Variants in TNN observed in about 807,000 individuals in gnomAD.
TNN encodes the protein tenascin-N.
In TNN, 122 loss-of-function variants were observed where a neutral mutation model predicts 134.4. The ratio of observed to expected loss-of-function variants is 0.91; its 90% CI spans 0.78 to 1.06. The LOEUF is 1.06. TNN is among the 50% of genes least tolerant of loss of function. TNN has a pLI of 0.00. For missense variants in TNN, 1,739 were observed against 1,699.4 expected, an observed-to-expected ratio of 1.02 and a Z score of -0.41; for synonymous variants, 710 against 670.3, an observed-to-expected ratio of 1.06 and a Z score of -0.91.
chr1:175,072,569 T>C (rs1673938559), intron 1 of TNN, among the ~76,000 whole-genome samples: 1 of 152,224 alleles, frequency 6.6e-6, no homozygotes, highest in Admixed American at 6.5e-5. Context: ...AAAGAGTCGA[T>C]GAAGTCATCC....
rs200810963 is a variant in TNN at position 175,084,530 on chromosome 1, C to CT, written c.1234+601dup. ...TTGAAGTCTGTACAATTCCAGGGCT[C>CT]TTTTTTAAGAAAAGTAATACGCAAT... On this transcript the variant is annotated intron_variant, in intron 5 of 18. Transcript: ENST00000239462. 2.1e-4 allele frequency among the ~76,000 whole-genome samples: 32 copies of CT among 152,262 alleles called. 1 individual carries two copies. In the East Asian group the frequency reaches 6.0e-3, roughly 28 times the overall value.
chr1:175,102,475 A>G (rs1031795701), intron 9 of TNN, among the ~76,000 whole-genome samples: 5 of 145,682 alleles, frequency 3.4e-5, no homozygotes, highest in African/African-American at 1.2e-4. Context: ...TCGGCGAGAA[A>G]TCGAGCGCAG....
intron 7 of TNN, among the ~76,000 whole-genome samples, chr1:175,094,543 T>C (rs555864691): frequency 6.6e-6 from 1 of 152,356 alleles, no homozygotes; most frequent in South Asian, 2.1e-4. Context: ...ATTTTTTAGA[T>C]GTGAAAACTC....
At chr1:175,119,313 G>A (rs970288422) in intron 11 of TNN, among the ~76,000 whole-genome samples, 2 of 152,206 alleles carry the variant, frequency 1.3e-5, no homozygotes, top group South Asian at 4.1e-4. Flanking sequence ...CTTGGCATTT[G>A]TAAACTGTCA....
intron 15 of TNN, among the ~76,000 whole-genome samples, chr1:175,129,445 A>G (rs1047186927): frequency 1.7e-4 from 26 of 151,730 alleles, no homozygotes; most frequent in African/African-American, 6.3e-4. Flanking sequence ...AATCAACTGT[A>G]AGGATAGAGC....
chr1:175,102,684 C>T (rs1193309082), intron 9 of TNN, among the ~76,000 whole-genome samples: 1 of 146,066 alleles, frequency 6.8e-6, no homozygotes, highest in East Asian at 2.3e-4. Context: ...GCGCCTCTCC[C>T]TCCACACCTC....
In TNN at chr1:175,104,683, T is replaced by A. The variant is rs979250728; in HGVS notation, c.2119+6088T>A. Among the ~76,000 whole-genome samples, 6 of 145,570 alleles carry A rather than the reference T, an allele frequency of 4.1e-5. 1 individual carries two copies. The highest frequency in any genetic ancestry group is 7.6e-5 in the Non-Finnish European group (5 of 65,660). Reference sequence around the variant, plus strand: ...ACACCAAGGTTGCCAGGTTTAATAATGTCTCTAGATTTTGTTCAGGGCTCA... The same window carrying A: ...ACACCAAGGTTGCCAGGTTTAATAAAGTCTCTAGATTTTGTTCAGGGCTCA... On this transcript the variant is annotated intron_variant, in intron 9 of 18. Coordinates refer to ENST00000239462, the MANE Select transcript of TNN (RefSeq NM_022093.2).
chr1:175,133,869 G>T (rs4651319), intron 15 of TNN, among the ~76,000 whole-genome samples: 134,873 of 152,242 alleles, frequency 0.89, 59,981 homozygotes, highest in African/African-American at 0.94. Context: ...GCTGTTTCCA[G>T]CTTGTAGTTC....
intron 15 of TNN, among the ~76,000 whole-genome samples, 179 bp downstream of exon 15, chr1:175,128,925 C>T (rs1285936888): frequency 6.6e-6 from 1 of 152,072 alleles, no homozygotes; most frequent in East Asian, 1.9e-4. Context: ...GGAAAGGGGT[C>T]CCCATCCAGA....
chr1:175,070,371 G>A (rs758145872), intron 1 of TNN, among the ~76,000 whole-genome samples: 3 of 152,216 alleles, frequency 2.0e-5, no homozygotes, highest in Non-Finnish European at 4.4e-5. Context: ...ATTGAGTGCT[G>A]AGGCTGGGTC....
At chr1:175,070,428 T>A (rs1037740194) in intron 1 of TNN, among the ~76,000 whole-genome samples, 2 of 152,172 alleles carry the variant, frequency 1.3e-5, no homozygotes, top group Non-Finnish European at 2.9e-5. Flanking sequence ...GTGGGCAGAC[T>A]TGATGGGATG....
At chr1:175,092,239 A>C (rs1674468199) in intron 6 of TNN, among the ~76,000 whole-genome samples, 1 of 152,182 alleles carries the variant, frequency 6.6e-6, no homozygotes, top group Non-Finnish European at 1.5e-5. Context: ...AAGTTGTTAC[A>C]GGATGGGGAG....
intron 7 of TNN, among the ~76,000 whole-genome samples, chr1:175,096,085 A>T (rs763314693): frequency 2.2e-4 from 33 of 152,248 alleles, no homozygotes; most frequent in Admixed American, 2.0e-3. Flanking sequence ...AGTTAAAAAG[A>T]TAAAGGACAG....
intron 15 of TNN, among the ~76,000 whole-genome samples, chr1:175,134,476 C>T (rs955378348): frequency 2.6e-5 from 4 of 151,184 alleles, no homozygotes; most frequent in East Asian, 1.9e-4. Flanking sequence ...ACCCGGGAGG[C>T]GGAGGTTGCA....
At chr1:175,100,076 G>A (rs1674680827) in intron 9 of TNN, among the ~76,000 whole-genome samples, 2 of 152,108 alleles carry the variant, frequency 1.3e-5, no homozygotes, top group Admixed American at 1.3e-4. Context: ...GCTACAGCCT[G>A]TCTTTGCTCT....
intron 11 of TNN, among the ~76,000 whole-genome samples, chr1:175,120,393 T>C (rs1027403505): frequency 1.3e-5 from 2 of 152,224 alleles, no homozygotes; most frequent in Non-Finnish European, 2.9e-5. Flanking sequence ...TAATAGGATA[T>C]ACATAGACAG....
chr1:175,113,322 G>C (rs902487620), intron 9 of TNN, among the ~76,000 whole-genome samples: 1 of 152,068 alleles, frequency 6.6e-6, no homozygotes, highest in African/African-American at 2.4e-5. Context: ...GACTTGCTGG[G>C]TGTGGTATTC....
intron 2 of TNN, 115 bp from the exon 3 acceptor site, chr1:175,079,218 A>C: frequency 2.1e-5 from 25 of 1,199,386 alleles, no homozygotes; most frequent in East Asian, 6.1e-5. Context: ...AGAAATCACC[A>C]GACCCTTAAG....
intron 11 of TNN, 116 bp from the exon 12 acceptor site, chr1:175,123,284 G>A: frequency 1.6e-6 from 2 of 1,255,856 alleles, no homozygotes; most frequent in Non-Finnish European, 2.2e-6. Flanking sequence ...CGTGTTTTAA[G>A]TGGAATTCTA....
Sources: allele counts gnomAD v4.1 joint callset (sites outside exome capture counted in the v4.1 genomes callset), GRCh38; gene constraint gnomAD v4.1.1; transcripts MANE v1.5; gene names NCBI Gene and HGNC (gene_info 2026-07-23, HGNC 2026-07-21).